The following RFX4 variants were observed in gnomAD, a reference collection of about 807,000 sequenced individuals.
The protein encoded by RFX4 is transcription factor RFX4.
Under a neutral mutation model 95.0 loss-of-function variants are expected in RFX4, and 10 were observed. That is an observed-to-expected ratio of 0.11 (90% CI 0.06 to 0.18). The LOEUF is 0.18. RFX4 is among the 10% of genes least tolerant of loss of function. RFX4 has a pLI of 1.00. For synonymous variants in RFX4, 321 were observed against 340.7 expected, an observed-to-expected ratio of 0.94 and a Z score of 0.64; for missense variants, 640 against 922.0, an observed-to-expected ratio of 0.69 and a Z score of 3.96.
At chr12:106,658,169 C>G (rs1422232621) in intron 4 of RFX4, among the ~76,000 whole-genome samples, 2 of 152,110 alleles carry the variant, frequency 1.3e-5, no homozygotes, top group Middle Eastern at 3.2e-3. Context: ...TGTCAGGGAC[C>G]ATGTGAATCA....
intron 4 of RFX4, among the ~76,000 whole-genome samples, chr12:106,663,817 G>C (rs1268710038): frequency 6.7e-6 from 1 of 149,890 alleles, no homozygotes; most frequent in African/African-American, 2.5e-5. Context: ...TTGTGCATCT[G>C]TTGATATGAT....
chr12:106,648,543 A>G (rs973066579), intron 3 of RFX4, among the ~76,000 whole-genome samples: 1 of 149,034 alleles, frequency 6.7e-6, no homozygotes, highest in African/African-American at 2.5e-5. Flanking sequence ...AACTTCAGTG[A>G]TAAGTTAAAA....
At chr12:106,691,021 G>A (rs970023318) in intron 7 of RFX4, among the ~76,000 whole-genome samples, 1 of 152,184 alleles carries the variant, frequency 6.6e-6, no homozygotes, top group African/African-American at 2.4e-5. Flanking sequence ...GATAGGATGG[G>A]GGGAAGGCAT....
At chr12:106,726,257 A>G (rs1189026384) in intron 13 of RFX4, among the ~76,000 whole-genome samples, 1 of 151,590 alleles carries the variant, frequency 6.6e-6, no homozygotes, top group African/African-American at 2.4e-5. Flanking sequence ...AAAAAAAAAA[A>G]AAAGAAAAAA....
chr12:106,718,954 C>CAAA (rs34996369), intron 11 of RFX4, among the ~76,000 whole-genome samples: 2 of 107,660 alleles, frequency 1.9e-5, no homozygotes, highest in African/African-American at 7.3e-5. Context: ...ACTAAAGATA[C>CAAA]AAAAAAAAAA....
chr12:106,665,214 T>C (rs2041152612), intron 4 of RFX4, among the ~76,000 whole-genome samples: 2 of 151,902 alleles, frequency 1.3e-5, no homozygotes, highest in African/African-American at 2.4e-5. Flanking sequence ...TTCTTGGAGA[T>C]TGATACCTTT....
intron 3 of RFX4, among the ~76,000 whole-genome samples, chr12:106,641,967 C>CTATATCTATATCTATCTATATCTA (rs371927014): frequency 8.1e-4 from 109 of 135,036 alleles, no homozygotes; most frequent in South Asian, 4.3e-3. Context: ...ATATCTATAT[C>CTATATCTATATCTATCTATATCTA]TATCTATATC....
At position 106,761,498 on chromosome 12, in the gene RFX4, T is replaced by A. The variant is rs2043207658; in HGVS notation, c.*29T>A. The A allele has an allele frequency of 4.5e-6, 6 of 1,343,416 alleles. No individual in the cohort carries two copies. Among genetic ancestry groups the A allele is most frequent in the Non-Finnish European group, 4.8e-6 (5 of 1,036,604 alleles). The allele number at this position is 1,343,416 out of a possible 1,614,324, so 83.2% of individuals were successfully genotyped here. On this transcript the variant is annotated 3_prime_UTR_variant, in exon 18 of 18. Coordinates refer to ENST00000392842, the MANE Select transcript of RFX4 (RefSeq NM_213594.3). ...CTATCATAGGCATCCATATTTAATA[T>A]TAATAATAATAATTAATAATAATAA...
At chr12:106,731,779 G>A (rs529084840) in intron 13 of RFX4, among the ~76,000 whole-genome samples, 11 of 152,176 alleles carry the variant, frequency 7.2e-5, no homozygotes, top group Non-Finnish European at 1.3e-4. Flanking sequence ...AATAAATGCC[G>A]AAGAGAGTGA....
chr12:106,584,079 G>A (rs1349803089), intron 1 of RFX4, among the ~76,000 whole-genome samples: 1 of 152,124 alleles, frequency 6.6e-6, no homozygotes, highest in African/African-American at 2.4e-5. Flanking sequence ...CGGCGTTGGG[G>A]TCTGCAAACT....
chr12:106,641,967 C>CTATATCTATATCTATATCTATCTA (rs371927014), intron 3 of RFX4, among the ~76,000 whole-genome samples: 198 of 135,032 alleles, frequency 1.5e-3, no homozygotes, highest in African/African-American at 5.3e-3. Context: ...ATATCTATAT[C>CTATATCTATATCTATATCTATCTA]TATCTATATC....
rs773579612 is a variant in RFX4, at chr12:106,732,988, G to A, written c.1536G>A (p.Ser512=). ...AAAPTPSPVP[S]FSPAKSATSV... ...CACCAACCCCTTCACCAGTGCCATC[G>A]TTTTCTCCAGCAAAATCTGCCACAT... Residue 512 remains serine (S), a synonymous_variant, in exon 15 of 18, where the codon TCG becomes TCA. Transcript: ENST00000392842. The A allele has an allele frequency of 7.4e-6, 12 of 1,614,118 alleles. No homozygotes were observed. The highest frequency in any genetic ancestry group is 4.5e-5 in the East Asian group (2 of 44,874).
rs570026730 is a variant in RFX4, at chr12:106,675,157, A to G, written c.316-6836A>G. Among the ~76,000 whole-genome samples, 48 of 152,306 alleles carry G rather than the reference A, an allele frequency of 3.2e-4. No individual in the cohort carries two copies. The Middle Eastern group carries it at 0.01, about 32-fold the overall frequency. ...TATTCTTGAAAATTACTGGCCAGGC[A>G]CCGTAGTTCTGGCCTGTAATCCCAG... is the stretch of plus-strand genomic sequence containing the variant. On this transcript the variant is annotated intron_variant, in intron 4 of 17. Transcript: ENST00000392842.
chr12:106,646,007 C>G, intron 3 of RFX4: 1 of 1,193,578 alleles, frequency 8.4e-7, no homozygotes, highest in Non-Finnish European at 1.1e-6. Context: ...TGTTGTGGAA[C>G]CACAACTTTT....
intron 8 of RFX4, among the ~76,000 whole-genome samples, chr12:106,706,854 A>G (rs1203403825): frequency 6.6e-6 from 1 of 152,254 alleles, no homozygotes; most frequent in Non-Finnish European, 1.5e-5. Context: ...GTCTGAATGC[A>G]GACTGGGCTG....
rs774101282 is a variant in RFX4 at position 106,689,357 on chromosome 12, T to C, written c.662T>C (p.Phe221Ser). The change falls in exon 7 of 18, where the codon TTT (phenylalanine) becomes TCT (serine). Residue 221 changes from phenylalanine to serine, a missense_variant. Phe to Ser is a radical substitution (Grantham distance 155). Around this residue, in one of 7 missense-constraint regions of RFX4, gnomAD observed 96 missense variants for 183.7 expected, o/e 0.52. Transcript: ENST00000392842. ...RILDTVIRAN[F>S]DEVQSFLLHF... Reference sequence around the variant, plus strand: ...CTGGACACTGTAATAAGAGCCAACTTTGATGAGGTAGGTCAACAAGGGTTG... The same window carrying C: ...CTGGACACTGTAATAAGAGCCAACTCTGATGAGGTAGGTCAACAAGGGTTG... The C allele has an allele frequency of 6.2e-7, 1 of 1,612,280 alleles. No homozygotes were observed. Among genetic ancestry groups the C allele is most frequent in the African/African-American group, 1.3e-5 (1 of 74,978 alleles).
At chr12:106,724,421 GA>G (rs1450475090) in intron 13 of RFX4, among the ~76,000 whole-genome samples, 1 of 152,196 alleles carries the variant, frequency 6.6e-6, no homozygotes, top group East Asian at 1.9e-4. Context: ...TCTGGGCTCA[GA>G]TGCATGCCAC....
intron 17 of RFX4, among the ~76,000 whole-genome samples, chr12:106,756,327 A>G (rs1020819062): frequency 3.9e-5 from 6 of 152,152 alleles, no homozygotes; most frequent in Non-Finnish European, 8.8e-5. Context: ...TAGAACCTCT[A>G]CCCTGTCAAG....
chr12:106,737,450 G>A lies in RFX4; in HGVS notation c.1633+4365G>A, dbSNP rs1953077276. 2.6e-5 allele frequency among the ~76,000 whole-genome samples: 4 copies of A among 152,126 alleles called. No individual in the cohort carries two copies. The South Asian group carries it at 8.3e-4, about 32-fold the overall frequency. On this transcript the variant is annotated intron_variant, in intron 15 of 17. Transcript: ENST00000392842. ...ATATAGTGTGAGGAGTGCTAGGTTG[G>A]AAGAAGGGTCAGAGTATCATGGGAG... is the stretch of plus-strand genomic sequence containing the variant.
Sources: gnomAD v4.1 joint callset for allele counts (sites outside exome capture counted in the v4.1 genomes callset) on GRCh38, gnomAD v4.1.1 for gene constraint, gnomAD v4.1.1 regional missense constraint, MANE v1.5 for transcripts, NCBI Gene and HGNC (gene_info 2026-07-23, HGNC 2026-07-21) for gene names.